Variants in DMXL2 observed in about 807,000 individuals in gnomAD.
DMXL2 encodes dmX-like protein 2.
Under a neutral mutation model 331.1 loss-of-function variants are expected in DMXL2, and 103 were observed. That is an observed-to-expected ratio of 0.31 (90% CI 0.27 to 0.37). The LOEUF is 0.37. DMXL2 is among the 10% of genes least tolerant of loss of function. The pLI, the probability that DMXL2 is intolerant of heterozygous loss-of-function variation, is 1.00. For synonymous variants in DMXL2, 1,281 were observed against 1,252.1 expected (o/e 1.02, Z -0.49); for missense variants, 3,171 against 3,642.9 (o/e 0.87, Z 3.33).
At chr15:51,594,442 A>G (rs1344272769) in intron 1 of DMXL2, among the ~76,000 whole-genome samples, 3 of 152,176 alleles carry the variant, frequency 2.0e-5, no homozygotes, top group Non-Finnish European at 4.4e-5. Context: ...CAACCAAAAA[A>G]ATCCAGGACC....
intron 1 of DMXL2, 111 bp downstream of exon 1, chr15:51,622,348 G>T: frequency 4.2e-6 from 6 of 1,421,294 alleles, no homozygotes; most frequent in Non-Finnish European, 5.7e-6. Flanking sequence ...CACGGGTGGG[G>T]CCCACCAACA....
At chr15:51,616,769 T>A (rs1268442524) in intron 1 of DMXL2, among the ~76,000 whole-genome samples, 1 of 151,930 alleles carries the variant, frequency 6.6e-6, no homozygotes, top group Non-Finnish European at 1.5e-5. Context: ...AAATCCTGTC[T>A]CTACTAAAAA....
At chr15:51,534,045 T>C (rs1279314494) in intron 13 of DMXL2, among the ~76,000 whole-genome samples, 2 of 152,106 alleles carry the variant, frequency 1.3e-5, no homozygotes, top group Non-Finnish European at 1.5e-5. Flanking sequence ...AATCCAAATG[T>C]ACAAATACAG....
intron 1 of DMXL2, among the ~76,000 whole-genome samples, chr15:51,606,103 A>G (rs1453392602): frequency 6.6e-6 from 1 of 152,230 alleles, no homozygotes; most frequent in East Asian, 1.9e-4. Context: ...TGGGACTCCA[A>G]TAAACTACCC....
chr15:51,520,054 T>C (rs923371042), intron 13 of DMXL2, among the ~76,000 whole-genome samples: 4 of 152,238 alleles, frequency 2.6e-5, no homozygotes, highest in African/African-American at 9.6e-5. Flanking sequence ...AACCTCTAAC[T>C]TCCTATCCAG....
chr15:51,455,970 G>A, intron 39 of DMXL2, 96 bp downstream of exon 39: 2 of 1,401,916 alleles, frequency 1.4e-6, no homozygotes, highest in Non-Finnish European at 2.0e-6. Flanking sequence ...TAAATCCAGG[G>A]TCACTGAATT....
intron 16 of DMXL2, among the ~76,000 whole-genome samples, chr15:51,506,544 C>T (rs940250621): frequency 4.0e-5 from 6 of 150,782 alleles, no homozygotes; most frequent in Admixed American, 4.0e-4. Context: ...ACCTCTGCCT[C>T]CCGGGTTCAC....
In DMXL2 at chr15:51,538,375, T is replaced by A; in HGVS notation, c.1183A>T (p.Asn395Tyr). 1 of 1,613,522 alleles carries A rather than the reference T, an allele frequency of 6.2e-7. No homozygotes were observed. Among genetic ancestry groups the A allele is most frequent in the Non-Finnish European group, 8.5e-7 (1 of 1,179,526 alleles). The change falls in exon 10 of 44, where the codon AAC becomes TAC. Residue 395 changes from asparagine (N) to tyrosine (Y), a missense_variant. This residue lies in a region of DMXL2 where 1,674 missense variants were observed against 1,780.2 expected (regional missense o/e 0.94). Coordinates refer to ENST00000560891, the MANE Select transcript of DMXL2 (RefSeq NM_001378457.1). ...GATGATGTAAAATGAAATTCCTTGT[T>A]GTTTAACCAATGAACTACAAAGCCC... Reference protein sequence around the residue: ...NGGFVVHWLNNKEFHFTSSTE... With the variant: ...NGGFVVHWLNYKEFHFTSSTE...
rs1269224642 is a variant in DMXL2, at chr15:51,453,539, T to C, written c.8696+11A>G. ...TTTTATATTTCTTACTTTGCTTTTC[T>C]GTCAACCTACCTATTGTCATTGGAG... On this transcript the variant is annotated intron_variant, in intron 41 of 43. Transcript: ENST00000560891. 2 of 1,582,278 alleles carry C rather than the reference T, an allele frequency of 1.3e-6. No individual in the cohort carries two copies. The highest frequency in any genetic ancestry group is 4.6e-5 in the East Asian group (2 of 43,724).
intron 6 of DMXL2, among the ~76,000 whole-genome samples, chr15:51,551,907 G>C (rs927438928): frequency 7.9e-5 from 12 of 152,210 alleles, no homozygotes; most frequent in African/African-American, 2.9e-4. Flanking sequence ...AGGGCACCAG[G>C]AAAGTATTTA....
At chr15:51,487,400 G>A (rs1313596342) in intron 22 of DMXL2, among the ~76,000 whole-genome samples, 1 of 148,678 alleles carries the variant, frequency 6.7e-6, no homozygotes, top group African/African-American at 2.4e-5. Flanking sequence ...CTATTTTTCA[G>A]CATTTTTTTC....
intron 18 of DMXL2, 134 bp downstream of exon 18, chr15:51,498,418 A>C (rs2043342329): frequency 1.3e-6 from 1 of 792,520 alleles, no homozygotes; most frequent in Admixed American, 3.0e-5. Flanking sequence ...TATAATAGTA[A>C]TTACCTATTA....
chr15:51,622,671 C>A lies in DMXL2; in HGVS notation c.-126G>T. ...GAAACCCGCCCCGCGGAGGCTCTGG[C>A]TTAACTCCTCGCCCCCCTTTCGCCT... On this transcript the variant is annotated 5_prime_UTR_variant, in exon 1 of 44. Transcript: ENST00000560891. 4 of 1,431,456 alleles carry A rather than the reference C, an allele frequency of 2.8e-6. No homozygotes were observed. Among genetic ancestry groups the A allele is most frequent in the Non-Finnish European group, 3.7e-6 (4 of 1,087,768 alleles). 88.7% of individuals were successfully genotyped at this position (1,431,456 alleles called of 1,614,324 possible).
chr15:51,494,162 T>A (rs7176988), intron 19 of DMXL2, among the ~76,000 whole-genome samples: 111,013 of 152,030 alleles, frequency 0.73, 40,821 homozygotes, highest in Non-Finnish European at 0.77. Context: ...ATAGAAAAAA[T>A]ACCTCAGCAA....
Position 51,455,133 on chromosome 15 carries a change from ACAT to A in DMXL2, c.8604+15_8604+17del, listed in dbSNP as rs1456629780. 3 of 1,600,610 alleles carry A rather than the reference ACAT, an allele frequency of 1.9e-6. No individual in the cohort carries two copies. The highest frequency in any genetic ancestry group is 2.6e-6 in the Non-Finnish European group (3 of 1,167,706). On this transcript the variant is annotated intron_variant, in intron 40 of 43. Transcript: ENST00000560891. ...AGTGTTGTGTATATGCGCCCTGGGA[ACAT>A]TTAGTGATACTTACCATATAAGGTT...
rs772464071 is a variant in DMXL2 at position 51,622,592 on chromosome 15, C to T, written c.-47G>A. 2.0e-6 allele frequency: 3 copies of T among 1,521,722 alleles called. No individual in the cohort carries two copies. Among genetic ancestry groups the T allele is most frequent in the Non-Finnish European group, 2.7e-6 (3 of 1,130,392 alleles). 94.3% of individuals were successfully genotyped at this position (1,521,722 alleles called of 1,614,324 possible). On this transcript the variant is annotated 5_prime_UTR_variant, in exon 1 of 44. Coordinates refer to ENST00000560891, the MANE Select transcript of DMXL2 (RefSeq NM_001378457.1). ...GAATGCGCGGGAGGTGCGACAAGCT[C>T]CGCGCCTGACCCTCCTCGGGCTGCG... is the stretch of plus-strand genomic sequence containing the variant.
Position 51,498,565 on chromosome 15 carries a change from A to C in DMXL2, c.4659T>G (p.Asp1553Glu). ...GAGAATATTTACCTGAGCAACTCTT[A>C]TCTCTGCTTTCATCAAGCTCAGTAC... is the stretch of plus-strand genomic sequence containing the variant. ...TTSTELDESR[D>E]KSCSGRDTLD... Residue 1553 changes from aspartate (D) to glutamate (E), a missense_variant, in exon 18 of 44, where the codon GAT becomes GAG. Physicochemically the swap from Asp to Glu is conservative, Grantham distance 45. Around this residue, in one of 7 missense-constraint regions of DMXL2, gnomAD observed 252 missense variants for 387.4 expected, o/e 0.65. Coordinates refer to ENST00000560891, the MANE Select transcript of DMXL2 (RefSeq NM_001378457.1). The C allele has an allele frequency of 6.2e-7, 1 of 1,609,870 alleles. No homozygotes were observed. Among genetic ancestry groups the C allele is most frequent in the Non-Finnish European group, 8.5e-7 (1 of 1,178,338 alleles).
chr15:51,598,810 T>C (rs1275294990), intron 1 of DMXL2, among the ~76,000 whole-genome samples: 2 of 152,234 alleles, frequency 1.3e-5, no homozygotes, highest in African/African-American at 2.4e-5. Context: ...CAAATGCAGA[T>C]AGTATCTTCC....
chr15:51,492,258 A>G (rs1482868029), intron 19 of DMXL2, among the ~76,000 whole-genome samples: 1 of 152,248 alleles, frequency 6.6e-6, no homozygotes, highest in Non-Finnish European at 1.5e-5. Flanking sequence ...AGTCAAAAGC[A>G]CTTGGCTCAC....
Sources: allele counts gnomAD v4.1 joint callset (sites outside exome capture counted in the v4.1 genomes callset), GRCh38; gene constraint gnomAD v4.1.1; regional missense constraint gnomAD v4.1.1; transcripts MANE v1.5; gene names NCBI Gene and HGNC (gene_info 2026-07-23, HGNC 2026-07-21).